TRPM4: variants seen among roughly 807,000 people sequenced by gnomAD.
TRPM4 encodes transient receptor potential cation channel subfamily M member 4, also known as calcium-activated non-selective cation channel 1.
TRPM4 carries 124 observed loss-of-function variants against 135.6 expected under a neutral mutation model. That is an observed-to-expected ratio of 0.91 (90% CI 0.79 to 1.06). The LOEUF is 1.06. Ranked by LOEUF, TRPM4 falls within the 50% of genes least tolerant of loss-of-function variation. TRPM4 has a pLI of 0.00. For synonymous variants in TRPM4, 745 were observed against 705.6 expected, an observed-to-expected ratio of 1.06 and a Z score of -0.88; for missense variants, 1,658 against 1,671.4, an observed-to-expected ratio of 0.99 and a Z score of 0.14.
At chr19:49,164,682 T>TCTTGCTTGCTTGCTTGCTTG (rs113888558) in intron 2 of TRPM4, among the ~76,000 whole-genome samples, 1 of 144,534 alleles carries the variant, frequency 6.9e-6, no homozygotes, top group African/African-American at 2.6e-5. Context: ...GCGCCCGGCC[T>TCTTGCTTGCTTGCTTGCTTG]CTTGCTTGCT....
chr19:49,172,247 C>T (rs1967493105), intron 9 of TRPM4, 139 bp downstream of exon 9: 1 of 728,964 alleles, frequency 1.4e-6, no homozygotes. Flanking sequence ...CCCTTTGGGG[C>T]TTTGCATGGT....
chr19:49,193,080 G>GGTTTT (rs544387196), intron 16 of TRPM4, among the ~76,000 whole-genome samples: 131 of 132,780 alleles, frequency 9.9e-4, no homozygotes, highest in East Asian at 2.8e-3. Flanking sequence ...AAATCAGTTG[G>GGTTTT]TTTTTTTTTT....
rs777441494 is a variant in TRPM4 at position 49,210,291 on chromosome 19, C to T, written c.3214C>T (p.Arg1072Trp). ...RYRLIREFHS[R>W]PALAPPFIVI... ...CCGCCTCATCCGGGAATTCCACTCT[C>T]GGCCCGCGCTGGCCCCGCCCTTTAT... is the stretch of plus-strand genomic sequence containing the variant. The change falls in exon 21 of 25, where the codon CGG becomes TGG. Residue 1072 changes from arginine (R) to tryptophan (W), a missense_variant. Physicochemically the swap from Arg to Trp is moderately radical, Grantham distance 101. Around this residue, in one of 3 missense-constraint regions of TRPM4, gnomAD observed 1,412 missense variants for 1,408.7 expected, o/e 1.00. Coordinates refer to ENST00000252826, the MANE Select transcript of TRPM4 (RefSeq NM_017636.4). The surrounding 1 kb of genome is among the most constrained non-coding windows in gnomAD (Gnocchi z 4.1). The T allele has an allele frequency of 2.3e-5, 37 of 1,614,114 alleles. No individual in the cohort carries two copies. The South Asian group carries it at 3.8e-4, about 17-fold the overall frequency.
intron 10 of TRPM4, among the ~76,000 whole-genome samples, chr19:49,182,157 TGTCC>T (rs1967971695): frequency 1.4e-5 from 1 of 71,714 alleles, no homozygotes; most frequent in African/African-American, 6.3e-5. Context: ...TCCATTCATC[TGTCC>T]ATCCATCCAT....
intron 12 of TRPM4, 69 bp downstream of exon 12, chr19:49,183,281 A>C: frequency 6.2e-7 from 1 of 1,604,838 alleles, no homozygotes. Context: ...TCCCGAAACA[A>C]TTACCATACA....
chr19:49,200,283 A>T lies in TRPM4; in HGVS notation c.2646-17A>T, dbSNP rs116370720. 7.6e-4 allele frequency: 1,229 copies of T among 1,613,996 alleles called. 15 individuals are homozygous for T. The African/African-American group carries it at 0.012, about 15-fold the overall frequency. On this transcript the variant is annotated splice_polypyrimidine_tract_variant and intron_variant, in intron 17 of 24. Transcript: ENST00000252826. ...TCTTGTGACACTTGACCCTTGTGGC[A>T]TCTCCCCACACCCCAGGCTGACCCC...
At position 49,211,000 on chromosome 19, in the gene TRPM4, G is replaced by A; in HGVS notation, c.3462-15G>A. 1 of 1,613,470 alleles carries A rather than the reference G, an allele frequency of 6.2e-7. No individual in the cohort carries two copies. The highest frequency in any genetic ancestry group is 2.2e-5 in the East Asian group (1 of 44,850). Reference sequence around the variant, plus strand: ...GGGCTGCGGGTGCCCCCGGTAAGAGGCCCTCCCTTCTCAGGGTGGACTTGG... The same window carrying A: ...GGGCTGCGGGTGCCCCCGGTAAGAGACCCTCCCTTCTCAGGGTGGACTTGG... On this transcript the variant is annotated splice_polypyrimidine_tract_variant and intron_variant, in intron 22 of 24. Coordinates refer to ENST00000252826, the MANE Select transcript of TRPM4 (RefSeq NM_017636.4). The surrounding 1 kb of genome is among the most constrained non-coding windows in gnomAD (Gnocchi z 4.1).
intron 15 of TRPM4, 24 bp downstream of exon 15, chr19:49,190,344 G>C: frequency 6.2e-7 from 1 of 1,603,784 alleles, no homozygotes. Context: ...GGTGAGAGTG[G>C]TGGGGATGGG....
intron 20 of TRPM4, among the ~76,000 whole-genome samples, chr19:49,209,992 G>A (rs1262719086): frequency 1.3e-5 from 2 of 151,948 alleles, no homozygotes; most frequent in Non-Finnish European, 2.9e-5. Context: ...GAGGTGATCC[G>A]CCCACTCCGG....
chr19:49,188,829 C>A, intron 13 of TRPM4, 59 bp downstream of exon 13: 1 of 1,612,382 alleles, frequency 6.2e-7, no homozygotes, highest in Non-Finnish European at 8.5e-7. Flanking sequence ...GGGGGATGTG[C>A]AACTCCGCAC....
At chr19:49,164,027 C>A (rs1401546283) in intron 2 of TRPM4, among the ~76,000 whole-genome samples, 2 of 152,246 alleles carry the variant, frequency 1.3e-5, no homozygotes, top group East Asian at 3.9e-4. Flanking sequence ...ATCAGTTAGC[C>A]GTTCTTTTAG....
In TRPM4 at chr19:49,181,405, T is replaced by C; in HGVS notation, c.1207T>C (p.Trp403Arg). 1.9e-6 allele frequency: 3 copies of C among 1,613,978 alleles called. No individual in the cohort carries two copies. Among genetic ancestry groups the C allele is most frequent in the Non-Finnish European group, 2.5e-6 (3 of 1,180,014 alleles). The change falls in exon 10 of 25, where the codon TGG becomes CGG. Residue 403 changes from tryptophan (W) to arginine (R), a missense_variant. Physicochemically the swap from Trp to Arg is moderately radical, Grantham distance 101. Coordinates refer to ENST00000252826, the MANE Select transcript of TRPM4 (RefSeq NM_017636.4). ...GGATGAGCTGCGTTTGGCTGTGGCT[T>C]GGAACCGCGTGGACATTGCCCAGAG... Reference protein sequence around the residue: ...YLDELRLAVAWNRVDIAQSEL... With the variant: ...YLDELRLAVARNRVDIAQSEL...
rs1317093845 is a variant in TRPM4, at chr19:49,171,288, T to TG, written c.797-68dup. 3.2e-6 allele frequency: 5 copies of TG among 1,556,362 alleles called. No individual in the cohort carries two copies. Among genetic ancestry groups the TG allele is most frequent in the Non-Finnish European group, 4.4e-6 (5 of 1,127,324 alleles). ...CTGATGTTTGCCGACTCCTGGGAAATGCGGTTTTCTCCTATCTCCAGCAAA... is the reference window on the plus strand; with the variant it reads ...CTGATGTTTGCCGACTCCTGGGAAATGGCGGTTTTCTCCTATCTCCAGCAAA... On this transcript the variant is annotated intron_variant, in intron 6 of 24. Transcript: ENST00000252826. This position sits in a 1 kb window ranked among gnomAD's most constrained non-coding sequence, Gnocchi z 4.7.
At chr19:49,164,364 G>GCTTTTTT (rs1967089012) in intron 2 of TRPM4, among the ~76,000 whole-genome samples, 1 of 16,244 alleles carries the variant, frequency 6.2e-5, no homozygotes, top group Non-Finnish European at 1.0e-4. Context: ...TCTTTCCTTA[G>GCTTTTTT]TTTTTTTTTT....
At chr19:49,172,171 C>A in intron 9 of TRPM4, 63 bp downstream of exon 9, 1 of 1,267,000 alleles carries the variant, frequency 7.9e-7, no homozygotes, top group Non-Finnish European at 1.2e-6. Context: ...CTTTCCTGGC[C>A]TGGGCACTTC....
chr19:49,166,190 C>CG lies in TRPM4; in HGVS notation c.247dup (p.Ala83GlyfsTer13), dbSNP rs754625848. 124 of 1,607,484 alleles carry CG rather than the reference C, an allele frequency of 7.7e-5. No homozygotes were observed. The Middle Eastern group carries it at 1.2e-3, about 15-fold the overall frequency. ...GATGCCTACGGAGAGCTGGACTTCA[C>CG]GGGGGCCGGCCGCAAGCACAGCAAT... On this transcript the variant is annotated frameshift_variant, in exon 3 of 25. Coordinates refer to ENST00000252826, the MANE Select transcript of TRPM4 (RefSeq NM_017636.4). LOFTEE classifies it high-confidence loss of function.
At chr19:49,182,173 T>TACCTATCCATTCATCCATACATCC (rs796734102) in intron 10 of TRPM4, among the ~76,000 whole-genome samples, 36,982 of 123,906 alleles carry the variant, frequency 0.3, 6,223 homozygotes, top group South Asian at 0.36. Context: ...TCCATCCATC[T>TACCTATCCATTCATCCATACATCC]ACCTATCCAT....
chr19:49,203,859 G>A (rs148101259), intron 20 of TRPM4, among the ~76,000 whole-genome samples: 32 of 152,288 alleles, frequency 2.1e-4, no homozygotes, highest in African/African-American at 7.2e-4. Flanking sequence ...CCAGCGTGGT[G>A]GCTCATGCCT....
rs1600409200 is a variant in TRPM4 at position 49,168,106 on chromosome 19, G to C, written c.448+9G>C. ...GGCTGCCCAGAGCACAGGTGACCGAGGGTGGGTGGGGGCTGTCTCCTGGGC... is the reference window on the plus strand; with the variant it reads ...GGCTGCCCAGAGCACAGGTGACCGACGGTGGGTGGGGGCTGTCTCCTGGGC... On this transcript the variant is annotated intron_variant, in intron 4 of 24. Coordinates refer to ENST00000252826, the MANE Select transcript of TRPM4 (RefSeq NM_017636.4). 1.3e-6 allele frequency: 2 copies of C among 1,598,800 alleles called. No individual in the cohort carries two copies. Among genetic ancestry groups the C allele is most frequent in the Non-Finnish European group, 1.7e-6 (2 of 1,174,704 alleles).
Sources: gnomAD v4.1 joint callset for allele counts (sites outside exome capture counted in the v4.1 genomes callset) on GRCh38, gnomAD v4.1.1 for gene constraint, gnomAD v4.1.1 regional missense constraint, Gnocchi (gnomAD v3.1) non-coding constraint, MANE v1.5 for transcripts, NCBI Gene and HGNC (gene_info 2026-07-23, HGNC 2026-07-21) for gene names.